Variants in TNR observed in about 807,000 individuals in gnomAD.
TNR encodes tenascin-R.
TNR carries 45 observed loss-of-function variants against 150.4 expected under a neutral mutation model. The ratio of observed to expected loss-of-function variants is 0.30; its 90% CI spans 0.24 to 0.38. The LOEUF is 0.38. Ranked by LOEUF, TNR falls within the 10% of genes least tolerant of loss-of-function variation. The pLI, the probability that TNR is intolerant of heterozygous loss-of-function variation, is 1.00. For synonymous variants in TNR, 687 were observed against 678.4 expected (o/e 1.01, Z -0.20); for missense variants, 1,544 against 1,759.1 (o/e 0.88, Z 2.19).
intron 1 of TNR, among the ~76,000 whole-genome samples, chr1:175,542,747 A>G (rs185787262): frequency 3.9e-5 from 6 of 152,360 alleles, no homozygotes; most frequent in Admixed American, 2.6e-4. Context: ...TTATCAAATA[A>G]TCATATATAT....
intron 2 of TNR, among the ~76,000 whole-genome samples, chr1:175,484,918 A>C (rs79540399): frequency 0.013 from 1,938 of 152,300 alleles, 31 homozygotes; most frequent in African/African-American, 0.043. Context: ...TCCAGAAAAT[A>C]ACGTATCAGA....
chr1:175,697,540 G>T (rs955483149), intron 1 of TNR, among the ~76,000 whole-genome samples: 42 of 152,122 alleles, frequency 2.8e-4, no homozygotes, highest in African/African-American at 9.7e-4. Context: ...GCCCCCCACA[G>T]GTTGACTATG....
intron 2 of TNR, among the ~76,000 whole-genome samples, chr1:175,425,513 G>A (rs1571421162): frequency 6.6e-6 from 1 of 152,306 alleles, no homozygotes; most frequent in East Asian, 1.9e-4. Flanking sequence ...ACCATCAGAA[G>A]TGTATGATAT....
intron 1 of TNR, among the ~76,000 whole-genome samples, chr1:175,724,451 G>T (rs1463055558): frequency 6.6e-6 from 1 of 152,120 alleles, no homozygotes; most frequent in Non-Finnish European, 1.5e-5. Context: ...AAACATTCAT[G>T]ATAAATCTAT....
At chr1:175,596,091 G>A (rs1269425798) in intron 1 of TNR, among the ~76,000 whole-genome samples, 2 of 152,120 alleles carry the variant, frequency 1.3e-5, no homozygotes, top group Non-Finnish European at 2.9e-5. Context: ...CACTCGTTTA[G>A]GGCAAAGGTT....
At chr1:175,683,125 T>C (rs1009136972) in intron 1 of TNR, among the ~76,000 whole-genome samples, 3 of 152,208 alleles carry the variant, frequency 2.0e-5, no homozygotes, top group Non-Finnish European at 4.4e-5. Flanking sequence ...TTGAATGACT[T>C]TGTGCACTGG....
intron 1 of TNR, among the ~76,000 whole-genome samples, chr1:175,715,081 C>T (rs951322124): frequency 6.6e-6 from 1 of 152,200 alleles, no homozygotes; most frequent in Admixed American, 6.5e-5. Flanking sequence ...CTGTGGAAAA[C>T]AGACACATAA....
chr1:175,327,493 TA>T (rs931255367), intron 21 of TNR, among the ~76,000 whole-genome samples: 3 of 152,322 alleles, frequency 2.0e-5, no homozygotes, highest in Admixed American at 6.5e-5. Flanking sequence ...GGAATCTTCC[TA>T]AACCCCACTT....
chr1:175,357,398 G>A (rs574845135), intron 15 of TNR, among the ~76,000 whole-genome samples: 1 of 152,254 alleles, frequency 6.6e-6, no homozygotes, highest in African/African-American at 2.4e-5. Context: ...TTCAGAATAG[G>A]TAGGGCTTTG....
intron 2 of TNR, among the ~76,000 whole-genome samples, chr1:175,426,746 A>T (rs1033897357): frequency 6.8e-6 from 1 of 146,528 alleles, no homozygotes; most frequent in Non-Finnish European, 1.5e-5. Context: ...GTGTGTTTAT[A>T]TCTATACACG....
chr1:175,446,770 A>C (rs1656068332), intron 2 of TNR, among the ~76,000 whole-genome samples: 1 of 152,144 alleles, frequency 6.6e-6, no homozygotes, highest in African/African-American at 2.4e-5. Flanking sequence ...AAAGGAGAAA[A>C]ATGATGGCCC....
At chr1:175,474,595 C>T (rs1657464051) in intron 2 of TNR, among the ~76,000 whole-genome samples, 1 of 152,232 alleles carries the variant, frequency 6.6e-6, no homozygotes, top group African/African-American at 2.4e-5. Context: ...GGGCTCTGAG[C>T]TCATTCTTAG....
At chr1:175,382,751 G>T (rs859431) in intron 8 of TNR, among the ~76,000 whole-genome samples, 102,399 of 151,572 alleles carry the variant, frequency 0.68, 34,764 homozygotes, top group East Asian at 0.82. Context: ...AATCCAAAAA[G>T]TAGCTGGGCA....
At chr1:175,726,653 A>T (rs1277972149) in intron 1 of TNR, among the ~76,000 whole-genome samples, 1 of 152,274 alleles carries the variant, frequency 6.6e-6, no homozygotes, top group African/African-American at 2.4e-5. Flanking sequence ...TGCCTAGGCA[A>T]GATCTGCATT....
At chr1:175,471,820 A>C (rs1657305719) in intron 2 of TNR, among the ~76,000 whole-genome samples, 1 of 152,206 alleles carries the variant, frequency 6.6e-6, no homozygotes, top group Non-Finnish European at 1.5e-5. Context: ...TATACACTTA[A>C]ATTTTTAAAA....
At chr1:175,598,162 G>A (rs1027274994) in intron 1 of TNR, among the ~76,000 whole-genome samples, 5 of 152,180 alleles carry the variant, frequency 3.3e-5, no homozygotes, top group Non-Finnish European at 7.4e-5. Context: ...AAGAACAACA[G>A]TAACAGTCTC....
At chr1:175,480,454 A>G (rs900347113) in intron 2 of TNR, among the ~76,000 whole-genome samples, 3 of 151,820 alleles carry the variant, frequency 2.0e-5, no homozygotes, top group Admixed American at 2.0e-4. Flanking sequence ...AGAAAGAAAG[A>G]AAGAAAAGAA....
intron 1 of TNR, among the ~76,000 whole-genome samples, chr1:175,678,965 C>T (rs1378707135): frequency 2.0e-5 from 3 of 152,212 alleles, no homozygotes; most frequent in Non-Finnish European, 1.5e-5. Context: ...TTGGGTTCTG[C>T]CCTGCTTCCA....
At chr1:175,540,032 C>T (rs1268619260) in intron 1 of TNR, among the ~76,000 whole-genome samples, 1 of 152,082 alleles carries the variant, frequency 6.6e-6, no homozygotes, top group East Asian at 1.9e-4. Context: ...CTGTGCTTTT[C>T]CAGAAAGGAT....
Sources: allele counts gnomAD v4.1 joint callset (sites outside exome capture counted in the v4.1 genomes callset), GRCh38; gene constraint gnomAD v4.1.1; transcripts MANE v1.5; gene names NCBI Gene and HGNC (gene_info 2026-07-23, HGNC 2026-07-21).